The following CDYL variants were observed in gnomAD, a reference collection of about 807,000 sequenced individuals.
CDYL encodes the protein chromodomain Y-like protein.
CDYL carries 8 observed loss-of-function variants against 47.3 expected under a neutral mutation model. The ratio of observed to expected loss-of-function variants is 0.17; its 90% confidence interval spans 0.10 to 0.31. CDYL has a LOEUF of 0.31. Ranked by LOEUF, CDYL falls within the 10% of genes least tolerant of loss-of-function variation. The pLI, the probability that CDYL is intolerant of heterozygous loss-of-function variation, is 1.00. For missense variants in CDYL, 471 were observed against 701.4 expected, an observed-to-expected ratio of 0.67 and a Z score of 3.71; for synonymous variants, 266 against 265.0, an observed-to-expected ratio of 1.00 and a Z score of -0.04.
chr6:4,852,400 C>T (rs1389856085), intron 1 of CDYL, among the ~76,000 whole-genome samples: 1 of 128,008 alleles, frequency 7.8e-6, no homozygotes, highest in African/African-American at 3.8e-5. Context: ...CTTCCTTCCT[C>T]CTTCCTTCCT....
intron 2 of CDYL, among the ~76,000 whole-genome samples, chr6:4,924,765 G>T (rs1303948534): frequency 6.6e-6 from 1 of 152,182 alleles, no homozygotes; most frequent in Non-Finnish European, 1.5e-5. Flanking sequence ...GCTATAATGT[G>T]ATATATGTGA....
intron 2 of CDYL, among the ~76,000 whole-genome samples, chr6:4,900,786 T>G (rs1280342517): frequency 2.7e-5 from 1 of 36,634 alleles, no homozygotes; most frequent in East Asian, 1.2e-3. Flanking sequence ...TGTGTATATA[T>G]ATATATATAT....
At chr6:4,889,542 G>T (rs1397796086) in intron 1 of CDYL, among the ~76,000 whole-genome samples, 1 of 152,088 alleles carries the variant, frequency 6.6e-6, no homozygotes, top group Non-Finnish European at 1.5e-5. Context: ...TTACTAGCTG[G>T]AAAAGATCAA....
chr6:4,922,693 T>A (rs1251820255), intron 2 of CDYL, among the ~76,000 whole-genome samples: 1 of 152,262 alleles, frequency 6.6e-6, no homozygotes, highest in East Asian at 1.9e-4. Context: ...ACTTGAACAG[T>A]CCTTCCTCTG....
chr6:4,952,418 A>C lies in CDYL; in HGVS notation c.1476+9A>C, dbSNP rs377501677. 6.2e-7 allele frequency: 1 copy of C among 1,600,908 alleles called. No homozygotes were observed. The highest frequency in any genetic ancestry group is 2.2e-5 in the East Asian group (1 of 44,668). On this transcript the variant is annotated intron_variant, in intron 6 of 6. Coordinates refer to ENST00000397588, the MANE Select transcript of CDYL (RefSeq NM_004824.4). ...CCTCGTGCAATCCAGTTGTATGTCT[A>C]ATTGCTTCTGTTACACGTTACTTTT...
intron 1 of CDYL, among the ~76,000 whole-genome samples, chr6:4,813,408 T>C (rs996838401): frequency 6.6e-6 from 1 of 152,248 alleles, no homozygotes; most frequent in Non-Finnish European, 1.5e-5. Flanking sequence ...AATTTGATGG[T>C]GTGCTTTTGC....
chr6:4,824,939 C>T (rs147586675), intron 1 of CDYL, among the ~76,000 whole-genome samples: 1 of 151,856 alleles, frequency 6.6e-6, no homozygotes, highest in Non-Finnish European at 1.5e-5. Flanking sequence ...GGCATGATCT[C>T]GGCTCACTGC....
At chr6:4,894,075 C>T (rs1762128086) in intron 2 of CDYL, among the ~76,000 whole-genome samples, 1 of 152,174 alleles carries the variant, frequency 6.6e-6, no homozygotes, top group Non-Finnish European at 1.5e-5. Flanking sequence ...CTCATGGATA[C>T]AGTTTTCTCT....
chr6:4,943,492 C>T (rs1022334900), intron 4 of CDYL, 54 bp from the exon 5 acceptor site: 8 of 1,268,584 alleles, frequency 6.3e-6, no homozygotes, highest in Non-Finnish European at 7.9e-6. Flanking sequence ...TAGACTTTTC[C>T]TTTGCTCAAA....
At position 4,779,690 on chromosome 6, in the gene CDYL, G is replaced by A. The variant is rs536475923; in HGVS notation, c.24+2883G>A. On this transcript the variant is annotated intron_variant, in intron 1 of 6. Coordinates refer to ENST00000397588, the MANE Select transcript of CDYL (RefSeq NM_004824.4). ...GATTGAGGAAAAACGGATTTTTGATGCGGCGTAGGTTAGAACTTCATAGTT... is the reference window on the plus strand; with the variant it reads ...GATTGAGGAAAAACGGATTTTTGATACGGCGTAGGTTAGAACTTCATAGTT... Among the ~76,000 whole-genome samples, 91 of 152,276 alleles carry A rather than the reference G, an allele frequency of 6.0e-4. 2 individuals carry two copies. In the South Asian group the frequency reaches 0.018, roughly 30 times the overall value.
At chr6:4,751,698 G>T (rs1757996584) in intron 3 of CDYL, among the ~76,000 whole-genome samples, 1 of 152,194 alleles carries the variant, frequency 6.6e-6, no homozygotes. Flanking sequence ...CTCCATTTTG[G>T]CATGAACCAG....
intron 1 of CDYL, among the ~76,000 whole-genome samples, chr6:4,707,668 T>A (rs1757071490): frequency 6.6e-6 from 1 of 152,220 alleles, no homozygotes; most frequent in African/African-American, 2.4e-5. Flanking sequence ...CTAAAATGTG[T>A]GCATTTTATC....
chr6:4,743,078 T>C (rs184595657), intron 3 of CDYL, among the ~76,000 whole-genome samples: 4 of 152,360 alleles, frequency 2.6e-5, no homozygotes, highest in Admixed American at 2.6e-4. Flanking sequence ...TATTTAGAGC[T>C]CTTTATGCTC....
chr6:4,909,569 C>CATTT (rs375154033), intron 2 of CDYL, among the ~76,000 whole-genome samples: 6 of 151,920 alleles, frequency 3.9e-5, no homozygotes, highest in African/African-American at 1.4e-4. Flanking sequence ...AAAATTCATA[C>CATTT]TTTTTTTTGT....
chr6:4,885,100 C>A (rs953115836), intron 1 of CDYL, among the ~76,000 whole-genome samples: 4 of 152,048 alleles, frequency 2.6e-5, no homozygotes, highest in Non-Finnish European at 5.9e-5. Flanking sequence ...CTCAAGTAAT[C>A]CTCCTACCTC....
chr6:4,945,913 C>T (rs1222697591), intron 5 of CDYL, among the ~76,000 whole-genome samples: 1 of 152,250 alleles, frequency 6.6e-6, no homozygotes, highest in African/African-American at 2.4e-5. Flanking sequence ...TCCATAGCCA[C>T]AGAGAGTGAT....
chr6:4,840,359 G>A (rs112497824), intron 1 of CDYL, among the ~76,000 whole-genome samples: 1 of 151,950 alleles, frequency 6.6e-6, no homozygotes, highest in African/African-American at 2.4e-5. Context: ...AAACGGTGAC[G>A]GTTTGACTTC....
chr6:4,877,834 T>C (rs1199472387), intron 1 of CDYL, among the ~76,000 whole-genome samples: 1 of 152,194 alleles, frequency 6.6e-6, no homozygotes, highest in Non-Finnish European at 1.5e-5. Context: ...TCCTTGTAAA[T>C]GTTAAAATCA....
intron 1 of CDYL, among the ~76,000 whole-genome samples, chr6:4,875,994 C>T (rs1210139692): frequency 6.6e-6 from 1 of 152,120 alleles, no homozygotes; most frequent in Non-Finnish European, 1.5e-5. Context: ...ATGTGCTGAT[C>T]TTAAATACTG....
Sources: gnomAD v4.1 joint callset for allele counts (sites outside exome capture counted in the v4.1 genomes callset) on GRCh38, gnomAD v4.1.1 for gene constraint, MANE v1.5 for transcripts, NCBI Gene and HGNC (gene_info 2026-07-23, HGNC 2026-07-21) for gene names.